ZNF273: variants seen among roughly 807,000 people sequenced by gnomAD.
The protein encoded by ZNF273 is zinc finger protein 273, also known as zinc finger protein 9.
ZNF273 carries 11 observed loss-of-function variants against 14.9 expected under a neutral mutation model. That is an observed-to-expected ratio of 0.74 (90% CI 0.46 to 1.22). The LOEUF (loss-of-function observed/expected upper bound fraction) is 1.22. ZNF273 is among the 50% of genes most tolerant of loss of function. ZNF273 has a pLI of 0.00. For missense variants in ZNF273, 577 were observed against 660.6 expected, an observed-to-expected ratio of 0.87 and a Z score of 1.39; for synonymous variants, 199 against 223.9, an observed-to-expected ratio of 0.89 and a Z score of 0.99.
chr7:64,889,599 G>T (rs1423579239), downstream of ZNF273: 3 of 985,940 alleles, frequency 3.0e-6, no homozygotes, highest in Non-Finnish European at 3.6e-6. This position sits in a 1 kb window ranked among gnomAD's most constrained non-coding sequence, Gnocchi z 4.2. Context: ...GGGGATGGGG[G>T]TCCCCGCGCT....
At position 64,927,716 on chromosome 7, in the gene ZNF273, A is replaced by C. The variant is rs754387437; in HGVS notation, c.388A>C (p.Lys130Gln). ...PKQGLKDSFQ[K>Q]VILRRYGKYG... The stretch of plus-strand genomic sequence containing the variant: ...GCAGGGCTTAAAAGATTCTTTTCAA[A>C]AAGTGATACTGAGAAGATATGGAAA... Residue 130 changes from lysine to glutamine, a missense_variant, in exon 4 of 4, where the codon AAA (lysine) becomes CAA (glutamine). Physicochemically the swap from Lys to Gln is moderately conservative, Grantham distance 53 (BLOSUM62 1). Around this residue, in one of 3 missense-constraint regions of ZNF273, gnomAD observed 162 missense variants for 203.5 expected, o/e 0.80. Coordinates refer to ENST00000476120, the MANE Select transcript of ZNF273 (RefSeq NM_021148.3). 1 of 1,606,050 alleles carries C rather than the reference A, an allele frequency of 6.2e-7. No individual in the cohort carries two copies. The highest frequency in any genetic ancestry group is 1.1e-5 in the South Asian group (1 of 89,244).
chr7:64,922,332 T>G (rs535969985), intron 3 of ZNF273, among the ~76,000 whole-genome samples: 4 of 151,002 alleles, frequency 2.6e-5, no homozygotes, highest in African/African-American at 7.3e-5. Context: ...GTTTTTTTGT[T>G]TTTTTTTTCC....
Position 64,903,316 on chromosome 7 carries a change from C to T in ZNF273, c.-2C>T, listed in dbSNP as rs370991846. ...AGCTCCAGGTCTCGTCTTCACTGCT[C>T]TATGTCCTCTGCTCCTAGAGGTCCA... is the stretch of plus-strand genomic sequence containing the variant. On this transcript the variant is annotated 5_prime_UTR_variant, in exon 1 of 4. Transcript: ENST00000476120. The T allele has an allele frequency of 1.6e-5, 26 of 1,611,230 alleles. No individual in the cohort carries two copies. The highest frequency in any genetic ancestry group is 2.2e-5 in the East Asian group (1 of 44,788).
At chr7:64,897,937 C>T (rs1262591327) in exon 4 of ZNF273, 3 of 151,410 alleles carry the variant, frequency 2.0e-5, no homozygotes, top group Non-Finnish European at 4.4e-5. Flanking sequence ...CCGTGTTAGC[C>T]AGGATGGTCT....
chr7:64,919,440 C>T (rs190358620), intron 3 of ZNF273, among the ~76,000 whole-genome samples: 4 of 151,842 alleles, frequency 2.6e-5, no homozygotes, highest in East Asian at 1.9e-4. Context: ...GTCAGGAGTT[C>T]GAGACCAGTC....
downstream of ZNF273, chr7:64,889,839 G>C (rs1387123755): frequency 1.1e-6 from 1 of 898,784 alleles, no homozygotes; most frequent in Non-Finnish European, 1.3e-6. The surrounding 1 kb of genome is among the most constrained non-coding windows in gnomAD (Gnocchi z 4.2). Context: ...CAAGTCAGTT[G>C]CCTCAGTGTT....
chr7:64,890,946 G>A (rs894689670), downstream of ZNF273, among the ~76,000 whole-genome samples: 1 of 152,186 alleles, frequency 6.6e-6, no homozygotes, highest in African/African-American at 2.4e-5. Context: ...TTGGCTCAGG[G>A]TAGATATGAA....
chr7:64,897,263 C>G (rs555526115), intron 3 of ZNF273: 6 of 152,256 alleles, frequency 3.9e-5, no homozygotes, highest in African/African-American at 1.4e-4. Flanking sequence ...GTAGAACAAC[C>G]ACTTCTCAGC....
upstream of ZNF273, among the ~76,000 whole-genome samples, chr7:64,902,035 A>C (rs1014457868): frequency 6.1e-5 from 9 of 148,582 alleles, no homozygotes; most frequent in African/African-American, 2.2e-4. Context: ...TATACATAAT[A>C]TTATATATTA....
downstream of ZNF273, chr7:64,880,353 G>A (rs1292060128): frequency 6.6e-6 from 1 of 152,196 alleles, no homozygotes; most frequent in Non-Finnish European, 1.5e-5. Flanking sequence ...GCACTTCTAT[G>A]ATTTCTGACT....
chr7:64,895,780 A>T (rs1792330487), intron 3 of ZNF273, among the ~76,000 whole-genome samples: 1 of 152,232 alleles, frequency 6.6e-6, no homozygotes, highest in Non-Finnish European at 1.5e-5. Context: ...TAAAAGTGGT[A>T]TATCAAGAAT....
chr7:64,902,729 A>AAAAG (rs1046411548), upstream of ZNF273, among the ~76,000 whole-genome samples: 1 of 152,252 alleles, frequency 6.6e-6, no homozygotes, highest in Non-Finnish European at 1.5e-5. Flanking sequence ...GAGAGAAAGA[A>AAAAG]AAAGAAAGAA....
At position 64,917,690 on chromosome 7, in the gene ZNF273, GA is replaced by G. The variant is rs1306841674; in HGVS notation, c.215del (p.Asn72ThrfsTer14). 6.3e-7 allele frequency: 1 copy of G among 1,595,326 alleles called. No individual in the cohort carries two copies. Among genetic ancestry groups the G allele is most frequent in the African/African-American group, 1.3e-5 (1 of 74,500 alleles). On this transcript the variant is annotated frameshift_variant, in exon 2 of 4. Coordinates refer to ENST00000476120, the MANE Select transcript of ZNF273 (RefSeq NM_021148.3). LOFTEE classifies it high-confidence loss of function. Reference sequence around the variant, plus strand: ...AGGAATGTGATGTTAGATAACTACAGAAACCTGGTCTTCCTGGGTGAGGATA... The same window carrying G: ...AGGAATGTGATGTTAGATAACTACAGAACCTGGTCTTCCTGGGTGAGGATA... The part of the protein sequence containing the change: ...LYRNVMLDNY[R>X]NLVFLGIAVS...
At chr7:64,900,153 G>C (rs185209515), upstream of ZNF273, among the ~76,000 whole-genome samples, 171 of 149,484 alleles carry the variant, frequency 1.1e-3, no homozygotes, top group South Asian at 5.5e-3. Context: ...TTGAGACCAA[G>C]TCTCGCTCTG....
intron 2 of ZNF273, among the ~76,000 whole-genome samples, chr7:64,917,911 T>G (rs1794127030): frequency 6.6e-6 from 1 of 152,178 alleles, no homozygotes; most frequent in South Asian, 2.1e-4. Flanking sequence ...TCTGTATCCT[T>G]CACTCTAGAT....
chr7:64,893,289 TCA>T (rs940606870), downstream of ZNF273: 1 of 152,212 alleles, frequency 6.6e-6, no homozygotes, highest in Non-Finnish European at 1.5e-5. Context: ...TGTATATTTT[TCA>T]CAGTTTTGAG....
downstream of ZNF273, among the ~76,000 whole-genome samples, chr7:64,935,285 C>T (rs757406438): frequency 1.3e-5 from 2 of 152,140 alleles, no homozygotes; most frequent in Admixed American, 6.6e-5. Flanking sequence ...CTGACTTGGA[C>T]ATTTAATACT....
At chr7:64,887,082 C>A (rs1043648617) in intron 1 of ZNF273, among the ~76,000 whole-genome samples, 5 of 152,178 alleles carry the variant, frequency 3.3e-5, no homozygotes, top group African/African-American at 4.8e-5. Context: ...ACTGGGGACC[C>A]TATGGAGACT....
downstream of ZNF273, among the ~76,000 whole-genome samples, chr7:64,881,580 T>C (rs1791256216): frequency 6.6e-6 from 1 of 152,152 alleles, no homozygotes; most frequent in South Asian, 2.1e-4. Context: ...TAATCTAGGC[T>C]CTGTTTCATT....
Sources: allele counts gnomAD v4.1 joint callset (sites outside exome capture counted in the v4.1 genomes callset), GRCh38; gene constraint gnomAD v4.1.1; regional missense constraint gnomAD v4.1.1; non-coding constraint Gnocchi (gnomAD v3.1); transcripts MANE v1.5; gene names NCBI Gene and HGNC (gene_info 2026-07-23, HGNC 2026-07-21).